EIF2AK4: variants seen among roughly 807,000 people sequenced by gnomAD.
EIF2AK4 encodes the protein eukaryotic translation initiation factor 2 alpha kinase 4.
In EIF2AK4, 139 loss-of-function variants were observed where a neutral mutation model predicts 211.1. That is an observed-to-expected ratio of 0.66 (90% CI 0.57 to 0.76). The LOEUF is 0.76. Among genes scored for constraint, EIF2AK4 ranks in the 30% least tolerant of loss-of-function variants. The probability of loss-of-function intolerance (pLI) is 0.00; values close to 1 mark genes in which losing one functional copy is unlikely to be tolerated. For synonymous variants in EIF2AK4, 710 were observed against 751.3 expected, an observed-to-expected ratio of 0.94 and a Z score of 0.90; for missense variants, 1,664 against 2,043.8, an observed-to-expected ratio of 0.81 and a Z score of 3.58.
chr15:39,941,360 T>G (rs779825266), intron 2 of EIF2AK4, among the ~76,000 whole-genome samples: 6 of 152,172 alleles, frequency 3.9e-5, no homozygotes, highest in Non-Finnish European at 5.9e-5. Context: ...TCATGAGTAC[T>G]AACTCCGGTA....
At chr15:40,004,987 G>GA (rs1180612358) in intron 23 of EIF2AK4, among the ~76,000 whole-genome samples, 2 of 151,554 alleles carry the variant, frequency 1.3e-5, no homozygotes, top group Admixed American at 1.3e-4. Flanking sequence ...AAAATACTCA[G>GA]AAAAAAAAAT....
At chr15:39,957,780 T>G (rs766541537) in intron 6 of EIF2AK4, among the ~76,000 whole-genome samples, 3 of 152,286 alleles carry the variant, frequency 2.0e-5, no homozygotes, top group Non-Finnish European at 4.4e-5. Context: ...AGTGGGACAC[T>G]GTGTTTCTGG....
intron 4 of EIF2AK4, chr15:39,951,719 T>G: frequency 5.3e-6 from 1 of 188,392 alleles, no homozygotes; most frequent in Non-Finnish European, 1.1e-5. Flanking sequence ...CTGTAGCCAG[T>G]GGCTTCAACC....
intron 32 of EIF2AK4, among the ~76,000 whole-genome samples, chr15:40,024,978 A>G (rs2140948257): frequency 6.6e-6 from 1 of 152,260 alleles, no homozygotes; most frequent in East Asian, 1.9e-4. Flanking sequence ...TCCTACAGAT[A>G]AAGTTCTCCA....
chr15:39,964,470 G>A (rs55957853), intron 7 of EIF2AK4, among the ~76,000 whole-genome samples: 46,019 of 151,846 alleles, frequency 0.3, 7,073 homozygotes, highest in African/African-American at 0.35. Context: ...TGGGGTCGGG[G>A]TGCTATTGGC....
At chr15:39,943,257 G>A (rs1242380325) in intron 2 of EIF2AK4, 126 bp from the exon 3 acceptor site, 23 of 658,060 alleles carry the variant, frequency 3.5e-5, no homozygotes, top group Non-Finnish European at 5.0e-5. Flanking sequence ...GCAGGGATAT[G>A]GTTGAAGTCC....
chr15:39,997,015 C>G lies in EIF2AK4; in HGVS notation c.2818C>G (p.Pro940Ala), dbSNP rs1441867299. The change falls in exon 19 of 39, where the codon CCC becomes GCC. Residue 940 changes from proline (P) to alanine (A), a missense_variant. By Grantham distance (27) the Pro-to-Ala change is conservative. Coordinates refer to ENST00000263791, the MANE Select transcript of EIF2AK4 (RefSeq NM_001013703.4). ...TATCTTCTTTGAGATGTCCTATCAC[C>G]CCATGGTCACGGCTTCAGAAAGGAT... ...GIIFFEMSYH[P>A]MVTASERIFV... 1 of 1,613,928 alleles carries G rather than the reference C, an allele frequency of 6.2e-7. No homozygotes were observed. The highest frequency in any genetic ancestry group is 2.2e-5 in the East Asian group (1 of 44,880).
chr15:39,947,114 G>A (rs2034239725), intron 3 of EIF2AK4, among the ~76,000 whole-genome samples: 1 of 152,118 alleles, frequency 6.6e-6, no homozygotes, highest in Non-Finnish European at 1.5e-5. Context: ...AATGAGATTT[G>A]AATGGGTGTT....
rs2034618997 is a variant in EIF2AK4 at position 39,971,166 on chromosome 15, C to T, written c.1554-1742C>T. Reference sequence around the variant, plus strand: ...GCAGGAGGCCTAGGTGAGAGTATCTCTTGAGTCCAGGAGTTCAAGACCTGC... The same window carrying T: ...GCAGGAGGCCTAGGTGAGAGTATCTTTTGAGTCCAGGAGTTCAAGACCTGC... On this transcript the variant is annotated intron_variant, in intron 9 of 38. Transcript: ENST00000263791. 2.6e-5 allele frequency among the ~76,000 whole-genome samples: 4 copies of T among 152,156 alleles called. No homozygotes were observed. The South Asian group carries it at 8.3e-4, about 32-fold the overall frequency.
chr15:40,029,765 CATACAGAGGATTGAAGGAAGT>C (rs2035514395), intron 34 of EIF2AK4, among the ~76,000 whole-genome samples: 1 of 152,168 alleles, frequency 6.6e-6, no homozygotes, highest in African/African-American at 2.4e-5. Flanking sequence ...AGATTTTCCT[CATACAGAGGATTGAAGGAAGT>C]ATTTTGAAAT....
At chr15:39,963,714 G>A (rs1054764330) in intron 7 of EIF2AK4, among the ~76,000 whole-genome samples, 1 of 152,174 alleles carries the variant, frequency 6.6e-6, no homozygotes, top group Admixed American at 6.5e-5. Flanking sequence ...TAGGGTTTCA[G>A]TTAGAGTTCT....
intron 33 of EIF2AK4, among the ~76,000 whole-genome samples, chr15:40,026,847 A>T (rs1416127929): frequency 1.3e-5 from 2 of 152,020 alleles, no homozygotes; most frequent in East Asian, 1.9e-4. Flanking sequence ...AAAACTAAAC[A>T]TTTTTTTTAA....
At chr15:39,995,023 G>A (rs1595416574) in intron 18 of EIF2AK4, among the ~76,000 whole-genome samples, 1 of 152,016 alleles carries the variant, frequency 6.6e-6, no homozygotes, top group Non-Finnish European at 1.5e-5. Context: ...TGTATTTTTA[G>A]TAGAGACAGG....
chr15:39,988,113 T>A lies in EIF2AK4; in HGVS notation c.2526+8T>A, dbSNP rs1379422478. The A allele has an allele frequency of 6.2e-7, 1 of 1,613,530 alleles. No individual in the cohort carries two copies. Among genetic ancestry groups the A allele is most frequent in the African/African-American group, 1.3e-5 (1 of 74,902 alleles). Reference sequence around the variant, plus strand: ...GCTTATATCCATGAGAAAGTAAACTTTACAACATTTCATATCTGAAGACTT... The same window carrying A: ...GCTTATATCCATGAGAAAGTAAACTATACAACATTTCATATCTGAAGACTT... On this transcript the variant is annotated splice_region_variant and intron_variant, in intron 15 of 38. Coordinates refer to ENST00000263791, the MANE Select transcript of EIF2AK4 (RefSeq NM_001013703.4).
chr15:39,957,932 A>G (rs2034414078), intron 6 of EIF2AK4, among the ~76,000 whole-genome samples: 1 of 152,248 alleles, frequency 6.6e-6, no homozygotes, highest in African/African-American at 2.4e-5. Context: ...AGAACCACTC[A>G]CTATTCTAGT....
chr15:39,980,544 T>C, intron 13 of EIF2AK4, among the ~76,000 whole-genome samples: 1 of 152,192 alleles, frequency 6.6e-6, no homozygotes, highest in Middle Eastern at 3.2e-3. Context: ...AACACAATAA[T>C]AGGACTCCTG....
intron 3 of EIF2AK4, among the ~76,000 whole-genome samples, chr15:39,943,971 A>AAG (rs1555413838): frequency 6.6e-6 from 1 of 151,832 alleles, no homozygotes; most frequent in African/African-American, 2.4e-5. Context: ...AAAAAGAAAA[A>AAG]AAGAAGAAGA....
chr15:40,023,286 A>G (rs2140947041), intron 32 of EIF2AK4, among the ~76,000 whole-genome samples: 1 of 152,162 alleles, frequency 6.6e-6, no homozygotes, highest in East Asian at 1.9e-4. Flanking sequence ...CCACCTCATA[A>G]CCTTTATTTC....
At position 39,973,596 on chromosome 15, in the gene EIF2AK4, T is replaced by C. The variant is rs1163312110; in HGVS notation, c.1665T>C (p.Ser555=). ...MPLVEQSPED[S]EGQDYVETVI... ...TTACTCCCTGTTTTATCTCAGATTC[T>C]GAAGGACAAGATTATGTTGAGACTG... Residue 555 remains serine (S), a synonymous_variant, in exon 11 of 39, where the codon TCT becomes TCC. Coordinates refer to ENST00000263791, the MANE Select transcript of EIF2AK4 (RefSeq NM_001013703.4). 1.2e-6 allele frequency: 2 copies of C among 1,610,324 alleles called. No homozygotes were observed. Among genetic ancestry groups the C allele is most frequent in the Non-Finnish European group, 1.7e-6 (2 of 1,178,210 alleles).
Sources: gnomAD v4.1 joint callset for allele counts (sites outside exome capture counted in the v4.1 genomes callset) on GRCh38, gnomAD v4.1.1 for gene constraint, MANE v1.5 for transcripts, NCBI Gene and HGNC (gene_info 2026-07-23, HGNC 2026-07-21) for gene names.